The following ACTL6A variants were observed in gnomAD, a reference collection of about 807,000 sequenced individuals.
ACTL6A encodes actin like 6A.
In ACTL6A, 5 loss-of-function variants were observed where a neutral mutation model predicts 59.2. The observed-to-expected ratio is 0.08, with a 90% CI of 0.04 to 0.18. ACTL6A has a LOEUF of 0.18. Ranked by LOEUF, ACTL6A falls within the 10% of genes least tolerant of loss-of-function variation. ACTL6A has a pLI of 1.00. For missense variants in ACTL6A, 285 were observed against 526.9 expected (o/e 0.54, Z 4.49); for synonymous variants, 154 against 171.8 (o/e 0.90, Z 0.81).
At chr3:179,571,811 A>C (rs1053369170) in intron 3 of ACTL6A, among the ~76,000 whole-genome samples, 1 of 152,244 alleles carries the variant, frequency 6.6e-6, no homozygotes, top group Non-Finnish European at 1.5e-5. Context: ...AAGGAAAGCA[A>C]GTGTTCAGAA....
intron 3 of ACTL6A, among the ~76,000 whole-genome samples, chr3:179,572,533 C>T (rs1463580543): frequency 6.6e-6 from 1 of 152,134 alleles, no homozygotes; most frequent in African/African-American, 2.4e-5. Context: ...TGGCTGGGGG[C>T]GGTGGCTCAC....
At chr3:179,574,266 C>T (rs1273075020) in intron 4 of ACTL6A, 104 bp from the exon 5 acceptor site, 5 of 634,506 alleles carry the variant, frequency 7.9e-6, no homozygotes, top group Non-Finnish European at 1.4e-5. Flanking sequence ...TTATTCTGTT[C>T]TTAATGTTTT....
rs1489453479 is a variant in ACTL6A at position 179,572,984 on chromosome 3, T to TTC, written c.278-384_278-383insCT. On this transcript the variant is annotated intron_variant, in intron 3 of 13. Transcript: ENST00000429709. Reference sequence around the variant, plus strand: ...GGGTCTAGACCATACAATTCTTTCTTTTTTTTTTTTTTTTATAAATCCAGC... The same window carrying TTC: ...GGGTCTAGACCATACAATTCTTTCTTTCTTTTTTTTTTTTTTATAAATCCAGC... Among the ~76,000 whole-genome samples, 455 of 148,362 alleles carry TTC rather than the reference T, an allele frequency of 3.1e-3. 6 individuals carry two copies. The highest frequency in any genetic ancestry group is 1.8e-3 in the Non-Finnish European group (120 of 66,920).
chr3:179,566,444 A>T (rs944089169), intron 1 of ACTL6A, among the ~76,000 whole-genome samples: 6 of 152,188 alleles, frequency 3.9e-5, no homozygotes. Context: ...CTAAGAAGGG[A>T]TTCATAATTT....
intron 8 of ACTL6A, 47 bp from the exon 9 acceptor site, chr3:179,580,593 A>G: frequency 7.6e-7 from 1 of 1,323,640 alleles, no homozygotes. Context: ...TATAGATTAC[A>G]AAGATAAATC....
chr3:179,563,134 G>A lies in ACTL6A; in HGVS notation c.25+17G>A, dbSNP rs778260186. The stretch of plus-strand genomic sequence containing the variant: ...ACGGGGGAGGTGAGTGAGTGCGGCC[G>A]GACGAGAGAGCGCGCCTTTTCGGCG... On this transcript the variant is annotated intron_variant, in intron 1 of 13. Coordinates refer to ENST00000429709, the MANE Select transcript of ACTL6A (RefSeq NM_004301.5). 6 of 1,610,624 alleles carry A rather than the reference G, an allele frequency of 3.7e-6. No homozygotes were observed. Among genetic ancestry groups the A allele is most frequent in the South Asian group, 3.3e-5 (3 of 90,642 alleles).
rs1393195903 is a variant in ACTL6A at position 179,569,851 on chromosome 3, T to C, written c.53T>C (p.Ile18Thr). The C allele has an allele frequency of 1.2e-6, 2 of 1,614,066 alleles. No individual in the cohort carries two copies. Among genetic ancestry groups the C allele is most frequent in the South Asian group, 1.1e-5 (1 of 91,092 alleles). ...GDEVGALVFDIGSYTVRAGYA... is the reference protein window; with the variant it reads ...GDEVGALVFDTGSYTVRAGYA... ...GAAGTTGGAGCCCTTGTTTTTGACATTGGATCCTATACTGTGAGAGCTGGT... is the reference window on the plus strand; with the variant it reads ...GAAGTTGGAGCCCTTGTTTTTGACACTGGATCCTATACTGTGAGAGCTGGT... The change falls in exon 2 of 14, where the codon ATT (isoleucine) becomes ACT (threonine). Residue 18 changes from isoleucine to threonine, a missense_variant. Transcript: ENST00000429709.
intron 12 of ACTL6A, 60 bp downstream of exon 12, chr3:179,583,508 T>C (rs368703687): frequency 3.6e-5 from 49 of 1,368,438 alleles, no homozygotes; most frequent in East Asian, 3.3e-4. Context: ...ACTGATGGTG[T>C]AATTTTGTAG....
At chr3:179,566,412 T>G (rs1717835884) in intron 1 of ACTL6A, among the ~76,000 whole-genome samples, 1 of 152,238 alleles carries the variant, frequency 6.6e-6, no homozygotes, top group East Asian at 1.9e-4. Context: ...ATTGGCTTCT[T>G]TTATAAACAT....
In ACTL6A at chr3:179,573,381, A is replaced by G; in HGVS notation, c.290A>G (p.Asp97Gly). Residue 97 changes from aspartate to glycine, a missense_variant, in exon 4 of 14, where the codon GAT becomes GGT. Transcript: ENST00000429709. ...TCTTATATTCTAGTTGAAGACTGGG[A>G]TAGTTTCCAAGCTATTTTGGATCAT... Reference protein sequence around the residue: ...PLKNGMVEDWDSFQAILDHTY... With the variant: ...PLKNGMVEDWGSFQAILDHTY... 6.3e-7 allele frequency: 1 copy of G among 1,582,094 alleles called. No individual in the cohort carries two copies. Among genetic ancestry groups the G allele is most frequent in the Non-Finnish European group, 8.6e-7 (1 of 1,168,404 alleles).
intron 1 of ACTL6A, among the ~76,000 whole-genome samples, chr3:179,566,292 C>A (rs923089167): frequency 6.6e-6 from 1 of 152,098 alleles, no homozygotes; most frequent in African/African-American, 2.4e-5. Context: ...GAAGTTGAAG[C>A]TATAGGAGTA....
intron 1 of ACTL6A, among the ~76,000 whole-genome samples, chr3:179,566,070 C>T (rs2108352813): frequency 6.6e-6 from 1 of 152,258 alleles, no homozygotes; most frequent in South Asian, 2.1e-4. Flanking sequence ...CACAAAAACT[C>T]TCAGATTTTT....
chr3:179,576,014 G>A (rs891279486), intron 5 of ACTL6A, among the ~76,000 whole-genome samples: 1 of 152,096 alleles, frequency 6.6e-6, no homozygotes, highest in African/African-American at 2.4e-5. Flanking sequence ...CTCCATTCTG[G>A]AATTCCTGCC....
At chr3:179,587,838 G>GAGCA in intron 13 of ACTL6A, 92 bp from the exon 14 acceptor site, 1 of 939,076 alleles carries the variant, frequency 1.1e-6, no homozygotes, top group South Asian at 1.6e-5. Flanking sequence ...CTGGCTGACA[G>GAGCA]AGCAAGACCT....
intron 1 of ACTL6A, among the ~76,000 whole-genome samples, chr3:179,566,973 G>C (rs1717855539): frequency 6.6e-6 from 1 of 152,008 alleles, no homozygotes; most frequent in South Asian, 2.1e-4. Flanking sequence ...ACAGGTGTGA[G>C]CCACCGCGCG....
intron 13 of ACTL6A, among the ~76,000 whole-genome samples, chr3:179,587,087 C>T (rs1275408334): frequency 6.6e-6 from 1 of 152,054 alleles, no homozygotes; most frequent in African/African-American, 2.4e-5. Flanking sequence ...CTACCATCTG[C>T]CTTGAATAAG....
intron 3 of ACTL6A, among the ~76,000 whole-genome samples, chr3:179,572,673 C>T (rs7616258): frequency 0.022 from 3,399 of 152,006 alleles, 133 homozygotes; most frequent in African/African-American, 0.079. Flanking sequence ...GGTACGGTGG[C>T]GGGCACCTGT....
At chr3:179,585,269 A>G (rs543348035) in intron 12 of ACTL6A, among the ~76,000 whole-genome samples, 3 of 152,146 alleles carry the variant, frequency 2.0e-5, no homozygotes, top group Non-Finnish European at 4.4e-5. Context: ...CACCCGGCTA[A>G]TTTTTTATTT....
At chr3:179,584,113 G>C (rs545747822) in intron 12 of ACTL6A, among the ~76,000 whole-genome samples, 7 of 152,204 alleles carry the variant, frequency 4.6e-5, no homozygotes, top group Non-Finnish European at 7.3e-5. Flanking sequence ...CTTGAGGCTA[G>C]AAGCCTCAAG....
Sources: allele counts gnomAD v4.1 joint callset (sites outside exome capture counted in the v4.1 genomes callset), GRCh38; gene constraint gnomAD v4.1.1; transcripts MANE v1.5; gene names NCBI Gene and HGNC (gene_info 2026-07-23, HGNC 2026-07-21).